GALNTL6: variants seen among roughly 807,000 people sequenced by gnomAD.
GALNTL6 encodes polypeptide N-acetylgalactosaminyltransferase like 6, also known as polypeptide N-acetylgalactosaminyltransferase-like 6.
In GALNTL6, 46 loss-of-function variants were observed where a neutral mutation model predicts 73.7. The ratio of observed to expected loss-of-function variants is 0.62; its 90% confidence interval spans 0.49 to 0.80. The LOEUF is 0.80. Among genes scored for constraint, GALNTL6 ranks in the 30% least tolerant of loss-of-function variants. The pLI, the probability that GALNTL6 is intolerant of heterozygous loss-of-function variation, is 0.00. For synonymous variants in GALNTL6, 259 were observed against 263.7 expected, an observed-to-expected ratio of 0.98 and a Z score of 0.17; for missense variants, 604 against 755.0, an observed-to-expected ratio of 0.80 and a Z score of 2.34.
At chr4:172,892,437 C>A (rs1401895888) in intron 8 of GALNTL6, among the ~76,000 whole-genome samples, 1 of 151,964 alleles carries the variant, frequency 6.6e-6, no homozygotes, top group African/African-American at 2.4e-5. Flanking sequence ...TGGATAGTTT[C>A]CTGCTTTGGG....
chr4:172,017,574 G>A (rs1291849804), intron 2 of GALNTL6, among the ~76,000 whole-genome samples: 1 of 152,048 alleles, frequency 6.6e-6, no homozygotes, highest in East Asian at 1.9e-4. Flanking sequence ...TGCCTGTTGG[G>A]GTACCGGTGC....
At chr4:172,328,862 A>G (rs564285815) in intron 4 of GALNTL6, among the ~76,000 whole-genome samples, 11 of 152,238 alleles carry the variant, frequency 7.2e-5, no homozygotes, top group African/African-American at 2.4e-4. Flanking sequence ...TGTTTCTGTC[A>G]TTTCAGCCAA....
At chr4:172,939,814 G>A (rs368703157) in intron 9 of GALNTL6, among the ~76,000 whole-genome samples, 9 of 152,046 alleles carry the variant, frequency 5.9e-5, no homozygotes, top group Non-Finnish European at 1.3e-4. Context: ...AAGGCCAAGG[G>A]AAACCATTCT....
At chr4:172,091,820 T>G (rs1026271840) in intron 2 of GALNTL6, among the ~76,000 whole-genome samples, 6 of 152,176 alleles carry the variant, frequency 3.9e-5, no homozygotes, top group African/African-American at 1.4e-4. Context: ...AAGCTATAGA[T>G]AGCTGAAGAG....
intron 5 of GALNTL6, among the ~76,000 whole-genome samples, chr4:172,424,866 TA>T (rs1207948859): frequency 2.3e-4 from 35 of 151,130 alleles, no homozygotes; most frequent in Non-Finnish European, 4.3e-4. Flanking sequence ...GATGAAAAAA[TA>T]AAATTGTTTT....
At chr4:172,554,929 A>G (rs1302320556) in intron 5 of GALNTL6, among the ~76,000 whole-genome samples, 1 of 152,162 alleles carries the variant, frequency 6.6e-6, no homozygotes, top group East Asian at 1.9e-4. Flanking sequence ...GGATATAGCT[A>G]TATCAATTTA....
intron 5 of GALNTL6, among the ~76,000 whole-genome samples, chr4:172,428,709 G>A (rs1188705675): frequency 6.6e-6 from 1 of 152,018 alleles, no homozygotes; most frequent in Non-Finnish European, 1.5e-5. Flanking sequence ...ATTTTAATTT[G>A]AAAAACTGAA....
chr4:172,701,309 G>C (rs1159696392), intron 5 of GALNTL6, among the ~76,000 whole-genome samples: 1 of 152,092 alleles, frequency 6.6e-6, no homozygotes. Context: ...GTTCAACATA[G>C]AGAGAAGTTG....
chr4:172,725,647 A>G (rs955704383), intron 5 of GALNTL6, among the ~76,000 whole-genome samples: 13 of 152,242 alleles, frequency 8.5e-5, no homozygotes, highest in African/African-American at 3.1e-4. Context: ...TAGAAGGGTT[A>G]GAGATAGGCT....
chr4:172,801,218 AG>A (rs1252185399), intron 5 of GALNTL6, among the ~76,000 whole-genome samples: 8 of 152,202 alleles, frequency 5.3e-5, no homozygotes, highest in Non-Finnish European at 7.4e-5. Context: ...CTGAAGTAAA[AG>A]CTTCATTGCA....
chr4:172,611,345 C>A (rs1366183587), intron 5 of GALNTL6, among the ~76,000 whole-genome samples: 1 of 151,936 alleles, frequency 6.6e-6, no homozygotes, highest in Non-Finnish European at 1.5e-5. Flanking sequence ...GTTAGCATTA[C>A]CTTAAGGACC....
chr4:171,848,256 A>G (rs986519705), intron 2 of GALNTL6, among the ~76,000 whole-genome samples: 2 of 152,200 alleles, frequency 1.3e-5, no homozygotes, highest in Admixed American at 6.5e-5. Context: ...TCTCATCAGT[A>G]GGCTTAAATA....
rs141563448 is a variant in GALNTL6 at position 171,931,795 on chromosome 4, G to T, written c.138+117077G>T. Among the ~76,000 whole-genome samples the T allele has an allele frequency of 7.6e-4, 115 of 151,722 alleles. 1 individual carries two copies. The East Asian group carries it at 0.019, about 25-fold the overall frequency. On this transcript the variant is annotated intron_variant, in intron 2 of 12. Coordinates refer to ENST00000506823, the MANE Select transcript of GALNTL6 (RefSeq NM_001034845.3). ...GTTCAGTATATTTCAGCTGTCACTTGTTCACTCCATTATAAGAATAATTAT... is the reference window on the plus strand; with the variant it reads ...GTTCAGTATATTTCAGCTGTCACTTTTTCACTCCATTATAAGAATAATTAT...
chr4:172,051,390 C>T (rs1730858680), intron 2 of GALNTL6, among the ~76,000 whole-genome samples: 1 of 152,038 alleles, frequency 6.6e-6, no homozygotes, highest in African/African-American at 2.4e-5. Context: ...GTCTGGAATC[C>T]AGGAAGAATC....
intron 2 of GALNTL6, among the ~76,000 whole-genome samples, chr4:171,873,000 A>G (rs1335353192): frequency 6.6e-6 from 1 of 152,198 alleles, no homozygotes; most frequent in African/African-American, 2.4e-5. Context: ...AATTAAATTT[A>G]CACATAAATC....
intron 3 of GALNTL6, among the ~76,000 whole-genome samples, chr4:172,284,148 TCTAA>T (rs1223279988): frequency 2.6e-5 from 4 of 152,198 alleles, no homozygotes; most frequent in South Asian, 4.1e-4. Context: ...TTGCTTTATT[TCTAA>T]CTATTATTGA....
chr4:172,815,372 G>A (rs188519832), intron 7 of GALNTL6, among the ~76,000 whole-genome samples: 212 of 152,206 alleles, frequency 1.4e-3, no homozygotes, highest in South Asian at 2.5e-3. Context: ...GGCCTTAACC[G>A]TGGTAGAACT....
At chr4:172,154,498 C>T (rs1453660638) in intron 2 of GALNTL6, among the ~76,000 whole-genome samples, 1 of 152,186 alleles carries the variant, frequency 6.6e-6, no homozygotes, top group African/African-American at 2.4e-5. Flanking sequence ...TCCCAAAGTG[C>T]TGGGATTACA....
intron 8 of GALNTL6, among the ~76,000 whole-genome samples, chr4:172,924,530 TG>T (rs1311896810): frequency 6.6e-6 from 1 of 152,006 alleles, no homozygotes; most frequent in Non-Finnish European, 1.5e-5. Flanking sequence ...CAACCAAATC[TG>T]GGGGCTCAGT....
Sources: allele counts gnomAD v4.1 joint callset (sites outside exome capture counted in the v4.1 genomes callset), GRCh38; gene constraint gnomAD v4.1.1; transcripts MANE v1.5; gene names NCBI Gene and HGNC (gene_info 2026-07-23, HGNC 2026-07-21).